WDR7: variants seen among roughly 807,000 people sequenced by gnomAD.
The protein encoded by WDR7 is WD repeat-containing protein 7.
In WDR7, 46 loss-of-function variants were observed where a neutral mutation model predicts 169.4. That is an observed-to-expected ratio of 0.27 (90% CI 0.21 to 0.35). WDR7 has a LOEUF of 0.35. Among genes scored for constraint, WDR7 ranks in the 10% least tolerant of loss-of-function variants. The pLI, the probability that WDR7 is intolerant of heterozygous loss-of-function variation, is 1.00. For synonymous variants in WDR7, 612 were observed against 666.8 expected, an observed-to-expected ratio of 0.92 and a Z score of 1.27; for missense variants, 1,534 against 1,859.3, an observed-to-expected ratio of 0.83 and a Z score of 3.22.
intron 16 of WDR7, among the ~76,000 whole-genome samples, chr18:56,769,276 G>A (rs1166048952): frequency 2.0e-5 from 3 of 151,520 alleles, no homozygotes; most frequent in South Asian, 2.1e-4. Context: ...CTGGACCGCA[G>A]TGGTGCAATC....
rs370309054 is a variant in WDR7 at position 56,686,083 on chromosome 18, C to G, written c.597+51C>G. The G allele has an allele frequency of 4.9e-4, 725 of 1,469,922 alleles. 2 individuals are homozygous for G. In the Middle Eastern group the frequency reaches 7.5e-3, roughly 15 times the overall value. The allele number at this position is 1,469,922 out of a possible 1,614,324, so 91.1% of individuals were successfully genotyped here. On this transcript the variant is annotated intron_variant, in intron 6 of 27. Coordinates refer to ENST00000254442, the MANE Select transcript of WDR7 (RefSeq NM_015285.3). Reference sequence around the variant, plus strand: ...TTCTCTGTTTTTATTCTCTGTAGCTCAAAATTTTAGTAATGATATGCCCCT... The same window carrying G: ...TTCTCTGTTTTTATTCTCTGTAGCTGAAAATTTTAGTAATGATATGCCCCT...
intron 20 of WDR7, among the ~76,000 whole-genome samples, chr18:56,830,397 C>G (rs572875995): frequency 6.6e-6 from 1 of 152,272 alleles, no homozygotes; most frequent in East Asian, 1.9e-4. Context: ...CAAACTTGCT[C>G]AAGCATCATT....
intron 5 of WDR7, among the ~76,000 whole-genome samples, chr18:56,683,321 G>A (rs1456295702): frequency 6.6e-6 from 1 of 152,154 alleles, no homozygotes; most frequent in East Asian, 1.9e-4. Context: ...TGTACTTGAT[G>A]CTCAATAAAT....
intron 26 of WDR7, among the ~76,000 whole-genome samples, chr18:56,983,900 G>A (rs545417707): frequency 6.6e-6 from 1 of 152,120 alleles, no homozygotes; most frequent in South Asian, 2.1e-4. Flanking sequence ...TCACTTACAT[G>A]CCATTTTACA....
rs34901751 is a variant in WDR7 at position 56,974,362 on chromosome 18, C to CTTTTTT, written c.4164+11847_4164+11852dup. On this transcript the variant is annotated intron_variant, in intron 26 of 27. Coordinates refer to ENST00000254442, the MANE Select transcript of WDR7 (RefSeq NM_015285.3). ...CCTTTTCCTTTCTTTGCTTTTCTTG[C>CTTTTTT]TTTTTTTTTTTTTTTTTTTGAGATG... Among the ~76,000 whole-genome samples the CTTTTTT allele has an allele frequency of 5.1e-4, 57 of 111,784 alleles. 1 individual carries two copies. Among genetic ancestry groups the CTTTTTT allele is most frequent in the African/African-American group, 1.7e-3 (48 of 28,920 alleles). 73.3% of individuals were successfully genotyped at this position (111,784 alleles called of 152,430 possible).
intron 20 of WDR7, among the ~76,000 whole-genome samples, chr18:56,823,679 G>C (rs2045143462): frequency 1.3e-5 from 2 of 152,102 alleles, no homozygotes; most frequent in South Asian, 4.1e-4. Context: ...CATCACTAAT[G>C]GTACCGTTAA....
At chr18:56,915,939 TC>T (rs1200626506) in intron 21 of WDR7, among the ~76,000 whole-genome samples, 3 of 152,132 alleles carry the variant, frequency 2.0e-5, no homozygotes, top group Non-Finnish European at 4.4e-5. Flanking sequence ...CTGTGTACCA[TC>T]CGTCCACATT....
chr18:56,732,644 G>A (rs1013975271), intron 14 of WDR7, among the ~76,000 whole-genome samples: 2 of 152,102 alleles, frequency 1.3e-5, no homozygotes, highest in African/African-American at 4.8e-5. Flanking sequence ...TGTTTTATCA[G>A]CTATGTTGTA....
chr18:56,870,690 G>GT (rs1465664732), intron 20 of WDR7, among the ~76,000 whole-genome samples: 1 of 152,120 alleles, frequency 6.6e-6, no homozygotes, highest in East Asian at 1.9e-4. Context: ...GTCTTGCTCT[G>GT]TTGCCCAGGT....
chr18:56,739,751 C>CTT (rs930507994), intron 14 of WDR7, among the ~76,000 whole-genome samples: 12 of 150,460 alleles, frequency 8.0e-5, no homozygotes, highest in Non-Finnish European at 1.6e-4. Context: ...TCATTTCCAT[C>CTT]TTTTTTTGGG....
chr18:57,032,660 A>G, downstream of WDR7: 1 of 152,614 alleles, frequency 6.6e-6, no homozygotes, highest in Non-Finnish European at 1.5e-5. Flanking sequence ...TGAGGGATCT[A>G]GGTTGCACTC....
chr18:56,865,531 T>A (rs2045870544), intron 20 of WDR7, among the ~76,000 whole-genome samples: 1 of 152,172 alleles, frequency 6.6e-6, no homozygotes, highest in Admixed American at 6.6e-5. Flanking sequence ...TGAAAATATT[T>A]GTACATGCAT....
At chr18:56,672,938 C>T (rs1000370424) in intron 2 of WDR7, among the ~76,000 whole-genome samples, 44 of 151,888 alleles carry the variant, frequency 2.9e-4, no homozygotes, top group African/African-American at 1.0e-3. Flanking sequence ...TGATGATGAC[C>T]CATACTGAAG....
intron 25 of WDR7, among the ~76,000 whole-genome samples, chr18:56,958,512 A>G (rs773350327): frequency 2.0e-5 from 3 of 151,940 alleles, no homozygotes; most frequent in Non-Finnish European, 4.4e-5. Flanking sequence ...TATTGTGTAT[A>G]TTATTATTTA....
intron 19 of WDR7, among the ~76,000 whole-genome samples, chr18:56,803,393 T>C (rs1246925341): frequency 6.6e-6 from 1 of 152,210 alleles, no homozygotes; most frequent in African/African-American, 2.4e-5. Flanking sequence ...TTTGTGTGTT[T>C]GTGTGTGTAT....
chr18:56,875,553 G>C (rs1599120184), intron 20 of WDR7, among the ~76,000 whole-genome samples: 1 of 152,054 alleles, frequency 6.6e-6, no homozygotes, highest in East Asian at 1.9e-4. Context: ...GCCCTTTCCT[G>C]CCTCTCCTGC....
At chr18:57,022,273 T>C (rs2048304395) in intron 27 of WDR7, among the ~76,000 whole-genome samples, 1 of 152,232 alleles carries the variant, frequency 6.6e-6, no homozygotes, top group African/African-American at 2.4e-5. Flanking sequence ...ATGGCCTCTG[T>C]TATGTCAGCT....
intron 13 of WDR7, among the ~76,000 whole-genome samples, chr18:56,722,282 T>C (rs1466100390): frequency 6.6e-6 from 1 of 152,210 alleles, no homozygotes; most frequent in African/African-American, 2.4e-5. Flanking sequence ...TACATTTAAA[T>C]TGATGTTTTT....
At chr18:56,914,615 G>C (rs1453378071) in intron 21 of WDR7, among the ~76,000 whole-genome samples, 1 of 152,054 alleles carries the variant, frequency 6.6e-6, no homozygotes, top group African/African-American at 2.4e-5. Flanking sequence ...AGAAGTGTTC[G>C]GACTATTCAA....
Sources: allele counts gnomAD v4.1 joint callset (sites outside exome capture counted in the v4.1 genomes callset), GRCh38; gene constraint gnomAD v4.1.1; transcripts MANE v1.5; gene names NCBI Gene and HGNC (gene_info 2026-07-23, HGNC 2026-07-21).